The following F8 variants were observed in gnomAD, a reference collection of about 807,000 sequenced individuals.
F8 encodes coagulation factor VIII, also known as antihemophilic factor.
F8 carries 12 observed loss-of-function variants against 140.6 expected under a neutral mutation model. That is an observed-to-expected ratio of 0.09 (90% CI 0.05 to 0.14). F8 has a LOEUF of 0.14. Among genes scored for constraint, F8 ranks in the 10% least tolerant of loss-of-function variants. The pLI is 1.00. For synonymous variants in F8, 585 were observed against 614.6 expected, an observed-to-expected ratio of 0.95 and a Z score of 0.71; for missense variants, 1,354 against 1,720.7, an observed-to-expected ratio of 0.79 and a Z score of 3.77.
chrX:154,943,172 A>G (rs1222378940), intron 13 of F8, among the ~76,000 whole-genome samples: 5 of 111,739 alleles, frequency 4.5e-5, no homozygotes, highest in Non-Finnish European at 9.4e-5. Flanking sequence ...GGCCAGGGCA[A>G]TTAGGCAGGA....
At chrX:154,998,917 G>A in intron 2 of F8, among the ~76,000 whole-genome samples, 1 of 111,724 alleles carries the variant, frequency 9.0e-6, no homozygotes, top group Non-Finnish European at 1.9e-5. Flanking sequence ...AGTCTTCTAA[G>A]TGGTTCTCCT....
At position 154,902,037 on chromosome X, in the gene F8, A is replaced by G. The variant is rs1331107759; in HGVS notation, c.6115+14T>C. ...CTGAGTAGGTAGGGAACCTCTGCCC[A>G]CATTGCTACTCACTATTGCTGTACA... On this transcript the variant is annotated intron_variant, in intron 19 of 25. Transcript: ENST00000360256. 1.8e-6 allele frequency: 2 copies of G among 1,115,176 alleles called. No homozygotes were observed. Among genetic ancestry groups the G allele is most frequent in the Non-Finnish European group, 2.5e-6 (2 of 808,537 alleles). 91.9% of individuals were successfully genotyped at this position (1,115,176 alleles called of 1,213,427 possible).
intron 10 of F8, among the ~76,000 whole-genome samples, 187 bp from the exon 11 acceptor site, chrX:154,957,358 G>A (rs1206639819): frequency 1.8e-5 from 2 of 111,662 alleles, no homozygotes; most frequent in African/African-American, 6.5e-5. Flanking sequence ...GTAAAAAGCT[G>A]TAATTGATTA....
chrX:154,960,966 C>T (rs995116709), intron 10 of F8, 109 bp downstream of exon 10: 17 of 541,574 alleles, frequency 3.1e-5, no homozygotes, highest in Non-Finnish European at 5.2e-5. Context: ...AGCTTGAGGT[C>T]CGGCCAACAG....
At chrX:154,975,982 G>C (rs1295928759) in intron 6 of F8, among the ~76,000 whole-genome samples, 1 of 111,294 alleles carries the variant, frequency 9.0e-6, no homozygotes, top group Non-Finnish European at 1.9e-5. Flanking sequence ...TGCAAGCTCC[G>C]CCTCCCGGGT....
intron 13 of F8, among the ~76,000 whole-genome samples, chrX:154,942,582 A>G (rs984219560): frequency 3.6e-5 from 4 of 111,966 alleles, no homozygotes; most frequent in Admixed American, 9.4e-5. Flanking sequence ...AAATTCTACC[A>G]GAGGTAGAAG....
intron 13 of F8, among the ~76,000 whole-genome samples, chrX:154,935,772 G>T (rs2073220762): frequency 9.0e-6 from 1 of 110,980 alleles, no homozygotes; most frequent in Non-Finnish European, 1.9e-5. Flanking sequence ...CAACAAAACT[G>T]AACAACTAGA....
chrX:154,907,104 G>A (rs929925525), intron 14 of F8, among the ~76,000 whole-genome samples: 8 of 111,692 alleles, frequency 7.2e-5, no homozygotes, highest in South Asian at 3.7e-4. Flanking sequence ...TCCCACTGAA[G>A]GTAACCACCA....
intron 22 of F8, among the ~76,000 whole-genome samples, chrX:154,872,940 CA>C (rs2072785741): frequency 9.1e-6 from 1 of 110,379 alleles, no homozygotes; most frequent in Non-Finnish European, 1.9e-5. Flanking sequence ...ACAATAGCAA[CA>C]AAAGAATAAA....
chrX:154,993,176 T>C, intron 3 of F8, 28 bp from the exon 4 acceptor site: 1 of 1,138,173 alleles, frequency 8.8e-7, no homozygotes, highest in Admixed American at 2.2e-5. Context: ...AAAATTGTCC[T>C]TTCTATATCC....
chrX:155,009,417 T>C (rs1236984233), intron 1 of F8, among the ~76,000 whole-genome samples: 1 of 111,524 alleles, frequency 9.0e-6, no homozygotes, highest in African/African-American at 3.3e-5. Context: ...TCAACATAAG[T>C]TACCACAGTG....
intron 14 of F8, chrX:154,919,578 T>C (rs1569559619): frequency 2.6e-6 from 2 of 770,099 alleles, no homozygotes; most frequent in African/African-American, 4.3e-5. Flanking sequence ...AGAATCTCAC[T>C]TGGACCCTAA....
intron 14 of F8, chrX:154,919,525 G>C: frequency 1.7e-6 from 1 of 592,495 alleles, no homozygotes; most frequent in African/African-American, 2.4e-5. Context: ...GGGCAAGGAG[G>C]AAACTTGGGC....
chrX:154,990,017 A>G (rs781811214), intron 4 of F8, among the ~76,000 whole-genome samples: 1 of 112,355 alleles, frequency 8.9e-6, no homozygotes, highest in African/African-American at 3.2e-5. Flanking sequence ...CTTCATATTC[A>G]TGTTTGCATC....
chrX:154,935,990 AC>A (rs2073222649), intron 13 of F8, among the ~76,000 whole-genome samples: 1 of 107,719 alleles, frequency 9.3e-6, no homozygotes, highest in Non-Finnish European at 1.9e-5. Flanking sequence ...TAACACACAC[AC>A]ACACACACAC....
Position 155,020,489 on chromosome X carries a change from T to C in F8, c.143+1921A>G, listed in dbSNP as rs1263096062. ...CATTTTTAACCAACCTTGCCGACTC[T>C]GAAGATATGAAAGAAAAGATATCTC... On this transcript the variant is annotated intron_variant, in intron 1 of 25. Coordinates refer to ENST00000360256, the MANE Select transcript of F8 (RefSeq NM_000132.4). 9.8e-5 allele frequency among the ~76,000 whole-genome samples: 11 copies of C among 112,294 alleles called. No homozygotes were observed. In the Admixed American group the frequency reaches 1.0e-3, roughly 11 times the overall value.
At chrX:154,985,501 C>T (rs982821029) in intron 5 of F8, among the ~76,000 whole-genome samples, 41 of 111,915 alleles carry the variant, frequency 3.7e-4, no homozygotes, top group Admixed American at 2.9e-3. Flanking sequence ...TCCCTGTCTC[C>T]GTTATAATTG....
At position 154,860,498 on chromosome X, in the gene F8, C is replaced by T. The variant is rs2072682134; in HGVS notation, c.6834G>A (p.Glu2278=). 1 of 1,211,057 alleles carries T rather than the reference C, an allele frequency of 8.3e-7. No individual in the cohort carries two copies. Among genetic ancestry groups the T allele is most frequent in the Non-Finnish European group, 1.1e-6 (1 of 895,017 alleles). ...CATCTTGACTGCTGGAGATGAGGAA[C>T]TCCTTCACATACATGCTGGTAAGCA... The part of the protein sequence containing the change: ...KSLLTSMYVK[E]FLISSSQDGH... Residue 2278 remains glutamate, a synonymous_variant, in exon 25 of 26, where the codon GAG becomes GAA. Transcript: ENST00000360256.
chrX:154,977,839 A>T (rs2073496120), intron 6 of F8, among the ~76,000 whole-genome samples: 1 of 110,825 alleles, frequency 9.0e-6, no homozygotes, highest in African/African-American at 3.3e-5. Context: ...ATATTTCATT[A>T]AATAGGCTTT....
Sources: allele counts gnomAD v4.1 joint callset (sites outside exome capture counted in the v4.1 genomes callset), GRCh38; gene constraint gnomAD v4.1.1; transcripts MANE v1.5; gene names NCBI Gene and HGNC (gene_info 2026-07-23, HGNC 2026-07-21).